Variants in UBL3 observed in about 807,000 individuals in gnomAD.
UBL3 encodes the protein ubiquitin like 3.
Under a neutral mutation model 18.4 loss-of-function variants are expected in UBL3, and 6 were observed. The ratio of observed to expected loss-of-function variants is 0.33; its 90% CI spans 0.18 to 0.64. The LOEUF is 0.64. Among genes scored for constraint, UBL3 ranks in the 30% least tolerant of loss-of-function variants. UBL3 has a pLI of 0.76. For synonymous variants in UBL3, 49 were observed against 46.6 expected, an observed-to-expected ratio of 1.05 and a Z score of -0.21; for missense variants, 109 against 142.9, an observed-to-expected ratio of 0.76 and a Z score of 1.21.
rs570435822 is a variant in UBL3, at chr13:29,819,783, C to T, written c.27+29729G>A. ...AGAAAGAATCCAAGGACCACACCAC[C>T]GCCCCCACCCCCAAGAATTAATGAT... is the stretch of plus-strand genomic sequence containing the variant. On this transcript the variant is annotated intron_variant, in intron 1 of 4. Transcript: ENST00000380680. 8.6e-5 allele frequency among the ~76,000 whole-genome samples: 13 copies of T among 151,980 alleles called. No homozygotes were observed. In the South Asian group the frequency reaches 1.5e-3, roughly 17 times the overall value.
intron 1 of UBL3, among the ~76,000 whole-genome samples, chr13:29,817,322 T>C (rs923928727): frequency 5.3e-5 from 8 of 152,180 alleles, no homozygotes; most frequent in African/African-American, 1.9e-4. Context: ...AGCTAAGTTT[T>C]TCTGTTTGTT....
rs1287241118 is a variant in UBL3, at chr13:29,828,852, T to C, written c.27+20660A>G. ...CGATGGTGACGTACAGATGGGGTTT[T>C]GGTGTGGATGTCCTTTCTGTTTGTT... is the stretch of plus-strand genomic sequence containing the variant. On this transcript the variant is annotated intron_variant, in intron 1 of 4. Coordinates refer to ENST00000380680, the MANE Select transcript of UBL3 (RefSeq NM_007106.4). Among the ~76,000 whole-genome samples, 3 of 152,214 alleles carry C rather than the reference T, an allele frequency of 2.0e-5. No homozygotes were observed. In the East Asian group the frequency reaches 5.8e-4, roughly 29 times the overall value.
chr13:29,820,032 C>T lies in UBL3; in HGVS notation c.27+29480G>A, dbSNP rs374197508. Among the ~76,000 whole-genome samples the T allele has an allele frequency of 4.6e-5, 7 of 152,302 alleles. No individual in the cohort carries two copies. In the East Asian group the frequency reaches 5.8e-4, roughly 13 times the overall value. On this transcript the variant is annotated intron_variant, in intron 1 of 4. Transcript: ENST00000380680. Reference sequence around the variant, plus strand: ...CCATAAGCCTAACAATGTTTCTTAACTTATTCCAACATATGGCTTTTTCTT... The same window carrying T: ...CCATAAGCCTAACAATGTTTCTTAATTTATTCCAACATATGGCTTTTTCTT...
intron 1 of UBL3, among the ~76,000 whole-genome samples, chr13:29,817,760 A>G (rs1878322526): frequency 6.6e-6 from 1 of 152,152 alleles, no homozygotes; most frequent in Non-Finnish European, 1.5e-5. Flanking sequence ...CGTGTGGTAA[A>G]TCCCTATTCT....
At chr13:29,818,323 T>A (rs959158985) in intron 1 of UBL3, among the ~76,000 whole-genome samples, 1 of 152,208 alleles carries the variant, frequency 6.6e-6, no homozygotes, top group African/African-American at 2.4e-5. Context: ...AGTTAATATG[T>A]GCAAAGCCTT....
In UBL3 at chr13:29,849,559, C is replaced by T. The variant is rs1479659751; in HGVS notation, c.-21G>A. The T allele has an allele frequency of 2.5e-6, 4 of 1,613,576 alleles. No individual in the cohort carries two copies. Among genetic ancestry groups the T allele is most frequent in the Non-Finnish European group, 3.4e-6 (4 of 1,179,988 alleles). On this transcript the variant is annotated 5_prime_UTR_variant, in exon 1 of 5. Coordinates refer to ENST00000380680, the MANE Select transcript of UBL3 (RefSeq NM_007106.4). ...GACATCTTGCCGTTTGATATACACC[C>T]AGATGTTTACGAAAAAAACAAACAA...
intron 2 of UBL3, among the ~76,000 whole-genome samples, chr13:29,773,443 C>T (rs187612941): frequency 3.1e-4 from 47 of 152,204 alleles, no homozygotes; most frequent in Non-Finnish European, 6.0e-4. Flanking sequence ...GTATGAATTG[C>T]TTTGAATTCA....
intron 1 of UBL3, among the ~76,000 whole-genome samples, chr13:29,848,487 TA>T (rs1233896611): frequency 6.6e-6 from 1 of 151,718 alleles, no homozygotes; most frequent in Non-Finnish European, 1.5e-5. Flanking sequence ...AAAATTAAAT[TA>T]AAATTAAAAA....
At chr13:29,828,954 T>C (rs1386361997) in intron 1 of UBL3, among the ~76,000 whole-genome samples, 2 of 152,236 alleles carry the variant, frequency 1.3e-5, no homozygotes, top group African/African-American at 4.8e-5. Context: ...AGACCCTGTT[T>C]GCCTGGGTAT....
intron 1 of UBL3, among the ~76,000 whole-genome samples, chr13:29,810,135 G>C: frequency 6.6e-6 from 1 of 152,078 alleles, no homozygotes; most frequent in East Asian, 1.9e-4. Flanking sequence ...GAGGAATTAA[G>C]GTTATTCCAC....
chr13:29,796,403 A>G lies in UBL3; in HGVS notation c.28-19140T>C, dbSNP rs571485951. 2.6e-5 allele frequency among the ~76,000 whole-genome samples: 4 copies of G among 152,304 alleles called. No individual in the cohort carries two copies. The South Asian group carries it at 8.3e-4, about 32-fold the overall frequency. Reference sequence around the variant, plus strand: ...TATTTAGATTTTAAACTGCAATTATAAATTAAACAGATTCAATTTCTTCTT... The same window carrying G: ...TATTTAGATTTTAAACTGCAATTATGAATTAAACAGATTCAATTTCTTCTT... On this transcript the variant is annotated intron_variant, in intron 1 of 4. Transcript: ENST00000380680.
chr13:29,798,101 C>T (rs1877663390), intron 1 of UBL3, among the ~76,000 whole-genome samples: 1 of 151,918 alleles, frequency 6.6e-6, no homozygotes, highest in Non-Finnish European at 1.5e-5. Flanking sequence ...TCTTGGCTCG[C>T]TGCAACCTCT....
intron 1 of UBL3, among the ~76,000 whole-genome samples, chr13:29,840,001 A>G (rs1320694512): frequency 6.6e-6 from 1 of 152,020 alleles, no homozygotes; most frequent in Admixed American, 6.6e-5. Context: ...ACTCATCTCA[A>G]AAAACTTTTA....
intron 1 of UBL3, among the ~76,000 whole-genome samples, chr13:29,801,889 G>C (rs1014755318): frequency 2.0e-5 from 3 of 152,218 alleles, no homozygotes; most frequent in African/African-American, 7.2e-5. Flanking sequence ...CAAGAGGCAA[G>C]TGAAAGGCCC....
At chr13:29,809,415 G>A (rs1877981239) in intron 1 of UBL3, among the ~76,000 whole-genome samples, 1 of 152,108 alleles carries the variant, frequency 6.6e-6, no homozygotes, top group Non-Finnish European at 1.5e-5. Flanking sequence ...GCACAGAATG[G>A]TAACTGAGGA....
At chr13:29,835,156 ATAT>A (rs1566001158) in intron 1 of UBL3, among the ~76,000 whole-genome samples, 15 of 54,918 alleles carry the variant, frequency 2.7e-4, no homozygotes, top group African/African-American at 1.7e-3. Flanking sequence ...ATATATATAT[ATAT>A]ATATATATAT....
chr13:29,824,110 A>G (rs531873898), intron 1 of UBL3, among the ~76,000 whole-genome samples: 1 of 152,290 alleles, frequency 6.6e-6, no homozygotes, highest in South Asian at 2.1e-4. Flanking sequence ...ACTATCACTG[A>G]TGGACATATG....
chr13:29,820,792 T>C (rs113448100), intron 1 of UBL3, among the ~76,000 whole-genome samples: 16 of 152,324 alleles, frequency 1.1e-4, no homozygotes, highest in African/African-American at 3.8e-4. Flanking sequence ...TTGCTATTAT[T>C]TGTTAAATGA....
chr13:29,812,296 T>C lies in UBL3; in HGVS notation c.28-35033A>G, dbSNP rs566231285. Among the ~76,000 whole-genome samples the C allele has an allele frequency of 1.1e-4, 16 of 152,226 alleles. No homozygotes were observed. In the East Asian group the frequency reaches 3.1e-3, roughly 29 times the overall value. On this transcript the variant is annotated intron_variant, in intron 1 of 4. Coordinates refer to ENST00000380680, the MANE Select transcript of UBL3 (RefSeq NM_007106.4). ...TGAATATCTGCACTTTGGGCTCTTATTGCTGAACTCTTGTACAAAGCCTAC... is the reference window on the plus strand; with the variant it reads ...TGAATATCTGCACTTTGGGCTCTTACTGCTGAACTCTTGTACAAAGCCTAC...
Sources: allele counts gnomAD v4.1 joint callset (sites outside exome capture counted in the v4.1 genomes callset), GRCh38; gene constraint gnomAD v4.1.1; transcripts MANE v1.5; gene names NCBI Gene and HGNC (gene_info 2026-07-23, HGNC 2026-07-21).